The following PHLDB1 variants were observed in gnomAD, a reference collection of about 807,000 sequenced individuals.
The protein encoded by PHLDB1 is pleckstrin homology-like domain family B member 1.
A neutral mutation model predicts 139.3 loss-of-function variants in PHLDB1; 65 were observed. The observed-to-expected ratio is 0.47, with a 90% CI of 0.38 to 0.57. The LOEUF (loss-of-function observed/expected upper bound fraction) is 0.57, where lower values mean the gene tolerates loss of function less well. Among genes scored for constraint, PHLDB1 ranks in the 20% least tolerant of loss-of-function variants. The probability of loss-of-function intolerance (pLI) is 0.00; values close to 1 mark genes in which losing one functional copy is unlikely to be tolerated. For synonymous variants in PHLDB1, 679 were observed against 734.5 expected (o/e 0.92, Z 1.22); for missense variants, 1,624 against 1,839.7 (o/e 0.88, Z 2.14).
intron 4 of PHLDB1, among the ~76,000 whole-genome samples, chr11:118,618,157 G>A (rs1555091327): frequency 6.6e-6 from 1 of 152,088 alleles, no homozygotes; most frequent in East Asian, 1.9e-4. Flanking sequence ...ACCCAGCCAA[G>A]TATGTACCCT....
chr11:118,650,652 C>T lies in PHLDB1; in HGVS notation c.3874+105C>T. ...GAGGCCAAGCTTCCAAGTAGGGGAC[C>T]AGAGTCTTGGGCTAGGCTTTGCCCT... On this transcript the variant is annotated intron_variant, in intron 20 of 22. Transcript: ENST00000600882. The surrounding 1 kb of genome is among the most constrained non-coding windows in gnomAD (Gnocchi z 4.7). The T allele has an allele frequency of 1.3e-6, 1 of 773,374 alleles. No individual in the cohort carries two copies. The highest frequency in any genetic ancestry group is 2.0e-5 in the Admixed American group (1 of 50,908). 47.9% of individuals were successfully genotyped at this position (773,374 alleles called of 1,614,324 possible).
Position 118,644,093 on chromosome 11 carries a change from G to A in PHLDB1, c.3040G>A (p.Gly1014Ser). 6.2e-7 allele frequency: 1 copy of A among 1,613,980 alleles called. No individual in the cohort carries two copies. Residue 1014 changes from glycine (G) to serine (S), a missense_variant, in exon 15 of 23, where the codon GGC becomes AGC. Coordinates refer to ENST00000600882, the MANE Select transcript of PHLDB1 (RefSeq NM_001144758.3). The stretch of plus-strand genomic sequence containing the variant: ...GCAGAGCGCTCTACTCACCCAGAAT[G>A]GCACGGGCAGCCTTCCTCGCAACCT... ...SPKSALLTQN[G>S]TGSLPRNLAA...
At chr11:118,629,773 T>C (rs1022612897) in intron 6 of PHLDB1, among the ~76,000 whole-genome samples, 29 of 152,290 alleles carry the variant, frequency 1.9e-4, no homozygotes, top group African/African-American at 6.5e-4. Context: ...GGTCTCATCC[T>C]GGAGAGGGGG....
Position 118,611,829 on chromosome 11 carries a change from A to ATAATAATAATAAT in PHLDB1, c.-21-1987_-21-1986insTAATAATAATAAT, listed in dbSNP as rs1555084253. Among the ~76,000 whole-genome samples the ATAATAATAATAAT allele has an allele frequency of 1.3e-5, 2 of 148,152 alleles. No individual in the cohort carries two copies. Among genetic ancestry groups the ATAATAATAATAAT allele is most frequent in the East Asian group, 4.0e-4 (2 of 5,024 alleles). ...GTGAAACTCCGTCTCAAAAAAAAAA[A>ATAATAATAATAAT]AAAAATAATAATAATAATAATAAAT... On this transcript the variant is annotated intron_variant, in intron 1 of 22. Transcript: ENST00000600882. The surrounding 1 kb of genome is among the most constrained non-coding windows in gnomAD (Gnocchi z 4.7).
At chr11:118,626,989 G>T in intron 5 of PHLDB1, 1 of 374,404 alleles carries the variant, frequency 2.7e-6, no homozygotes, top group African/African-American at 2.1e-5. Context: ...ATAGGATATA[G>T]ATTGGAGGAG....
rs140439375 is a variant in PHLDB1 at position 118,631,393 on chromosome 11, A to G, written c.2014A>G (p.Thr672Ala). Residue 672 changes from threonine to alanine, a missense_variant, in exon 7 of 23, where the codon ACC becomes GCC. Coordinates refer to ENST00000600882, the MANE Select transcript of PHLDB1 (RefSeq NM_001144758.3). ...GRSSEEPGVA[T>A]QRLWESMERS... is the part of the protein sequence containing the mutation. ...GAGCAGCGAGGAGCCTGGCGTTGCCACCCAACGCCTATGGGAGAGTATGGA... is the reference window on the plus strand; with the variant it reads ...GAGCAGCGAGGAGCCTGGCGTTGCCGCCCAACGCCTATGGGAGAGTATGGA... The G allele has an allele frequency of 2.4e-5, 36 of 1,503,698 alleles. No homozygotes were observed. The highest frequency in any genetic ancestry group is 3.2e-5 in the Non-Finnish European group (36 of 1,127,150). The allele number at this position is 1,503,698 out of a possible 1,614,324, so 93.1% of individuals were successfully genotyped here. A position where few individuals can be genotyped will look rare whatever the true frequency, so the allele number is the denominator to read the frequency against.
chr11:118,624,592 T>TC, intron 4 of PHLDB1: 1 of 58,828 alleles, frequency 1.7e-5, no homozygotes, highest in Non-Finnish European at 3.7e-5. Flanking sequence ...CTTCCTTTCT[T>TC]TTTTTTTTTT....
chr11:118,652,024 T>C (rs1948419603), intron 20 of PHLDB1: 1 of 152,204 alleles, frequency 6.6e-6, no homozygotes, highest in African/African-American at 2.4e-5. Context: ...ATCATTTCTG[T>C]CCAGAAGTCA....
rs1555111505 is a variant in PHLDB1 at position 118,632,038 on chromosome 11, G to A, written c.2226G>A (p.Gln742=). Residue 742 remains glutamine, a synonymous_variant, in exon 8 of 23, where the codon CAG becomes CAA. Coordinates refer to ENST00000600882, the MANE Select transcript of PHLDB1 (RefSeq NM_001144758.3). The surrounding 1 kb of genome is among the most constrained non-coding windows in gnomAD (Gnocchi z 5.9). ...TGAAGGAGCTAGAGCAGCAGCTGCAGGAGTCAGCCCGAGAGGTGAGCCGTG... is the reference window on the plus strand; with the variant it reads ...TGAAGGAGCTAGAGCAGCAGCTGCAAGAGTCAGCCCGAGAGGTGAGCCGTG... The part of the protein sequence containing the change: ...VRVKELEQQL[Q]ESAREAEMER... 3.1e-6 allele frequency: 5 copies of A among 1,614,080 alleles called. No homozygotes were observed. The South Asian group carries it at 5.5e-5, about 18-fold the overall frequency.
At position 118,628,538 on chromosome 11, in the gene PHLDB1, C is replaced by T; in HGVS notation, c.1715C>T (p.Thr572Ile). 1.2e-6 allele frequency: 2 copies of T among 1,613,224 alleles called. No individual in the cohort carries two copies. The highest frequency in any genetic ancestry group is 1.7e-6 in the Non-Finnish European group (2 of 1,180,024). ...LSSGDLRVPV[T>I]RERKNSITEI... Reference sequence around the variant, plus strand: ...AGCGGGGACTTGCGGGTGCCTGTCACAAGGGAGCGGAAAAATAGCATCACA... The same window carrying T: ...AGCGGGGACTTGCGGGTGCCTGTCATAAGGGAGCGGAAAAATAGCATCACA... The change falls in exon 6 of 23, where the codon ACA becomes ATA. Residue 572 changes from threonine to isoleucine, a missense_variant. Physicochemically the swap from Thr to Ile is moderately conservative, Grantham distance 89. Transcript: ENST00000600882.
Position 118,648,067 on chromosome 11 carries a change from A to AT in PHLDB1, c.3649dup (p.Ser1217PhefsTer18). 1 of 1,613,356 alleles carries AT rather than the reference A, an allele frequency of 6.2e-7. No individual in the cohort carries two copies. On this transcript the variant is annotated frameshift_variant, in exon 18 of 23. Transcript: ENST00000600882. LOFTEE classifies it high-confidence loss of function. Reference sequence around the variant, plus strand: ...AGGAGGTCAAGATGCGGGAGAAACAATTTTCCCAGGTGAATGGGCAGTGGG... The same window carrying AT: ...AGGAGGTCAAGATGCGGGAGAAACAATTTTTCCCAGGTGAATGGGCAGTGGG...
intron 17 of PHLDB1, 121 bp from the exon 18 acceptor site, chr11:118,647,809 A>T: frequency 9.7e-7 from 1 of 1,026,642 alleles, no homozygotes; most frequent in East Asian, 2.6e-5. Flanking sequence ...TTTGAAGATG[A>T]TGCCTCCTCA....
In PHLDB1 at chr11:118,645,491, T is replaced by C; in HGVS notation, c.3257T>C (p.Leu1086Pro). 1 of 1,612,208 alleles carries C rather than the reference T, an allele frequency of 6.2e-7. No homozygotes were observed. The highest frequency in any genetic ancestry group is 1.1e-5 in the South Asian group (1 of 90,786). ...GCGGGCCCCTCGGGCTTCCCCCCTC[T>C]CATGCACCACTCTATCCTACACCAC... ...FPAGPSGFPPLMHHSILHHLP... is the reference protein window; with the variant it reads ...FPAGPSGFPPPMHHSILHHLP... The change falls in exon 16 of 23, where the codon CTC becomes CCC. Residue 1086 changes from leucine (L) to proline (P), a missense_variant. Physicochemically the swap from Leu to Pro is moderately conservative, Grantham distance 98. Coordinates refer to ENST00000600882, the MANE Select transcript of PHLDB1 (RefSeq NM_001144758.3). The surrounding 1 kb of genome is among the most constrained non-coding windows in gnomAD (Gnocchi z 5.1).
chr11:118,628,959 CAT>C lies in PHLDB1; in HGVS notation c.1827+311_1827+312del, dbSNP rs1459917555. Among the ~76,000 whole-genome samples the C allele has an allele frequency of 2.0e-5, 3 of 152,336 alleles. No individual in the cohort carries two copies. The East Asian group carries it at 5.8e-4, about 29-fold the overall frequency. On this transcript the variant is annotated intron_variant, in intron 6 of 22. Transcript: ENST00000600882. ...TGAGCACAGTGAAGCTCTAGGAAAA[CAT>C]ACCACAGGTATGGTAAGACCTCGAA...
At chr11:118,609,824 C>G (rs1939820784) in intron 1 of PHLDB1, among the ~76,000 whole-genome samples, 1 of 152,224 alleles carries the variant, frequency 6.6e-6, no homozygotes, top group African/African-American at 2.4e-5. Flanking sequence ...GGGGCCGCTA[C>G]CTTGCGGAAA....
At chr11:118,639,355 C>G (rs1207008594) in intron 12 of PHLDB1, 104 bp downstream of exon 12, 1 of 810,478 alleles carries the variant, frequency 1.2e-6, no homozygotes, top group African/African-American at 1.7e-5. Context: ...TGTGTGGGGG[C>G]ATCTTCCTGA....
At position 118,650,808 on chromosome 11, in the gene PHLDB1, T is replaced by G; in HGVS notation, c.3874+261T>G. 2.0e-6 allele frequency: 1 copy of G among 506,934 alleles called. No homozygotes were observed. The highest frequency in any genetic ancestry group is 2.3e-5 in the South Asian group (1 of 43,184). 31.4% of individuals were successfully genotyped at this position (506,934 alleles called of 1,614,324 possible). ...CACTGTTCTAGGCTCTGGTGATGAG[T>G]AAGATGGCCACAGCGCTCTCATGGA... On this transcript the variant is annotated intron_variant, in intron 20 of 22. Transcript: ENST00000600882. The surrounding 1 kb of genome is among the most constrained non-coding windows in gnomAD (Gnocchi z 4.7).
rs781993032 is a variant in PHLDB1, at chr11:118,628,358, G to A, written c.1535G>A (p.Arg512Gln). Residue 512 changes from arginine (R) to glutamine (Q), a missense_variant, in exon 6 of 23, where the codon CGG (arginine) becomes CAG (glutamine). Transcript: ENST00000600882. ...GACTTCTCCCTGACGCTGGGGGCACGGGGCCGTAGGACACGGAGCCCCTCA... is the reference window on the plus strand; with the variant it reads ...GACTTCTCCCTGACGCTGGGGGCACAGGGCCGTAGGACACGGAGCCCCTCA... ...PEDFSLTLGA[R>Q]GRRTRSPSPT... 23 of 1,611,416 alleles carry A rather than the reference G, an allele frequency of 1.4e-5. No individual in the cohort carries two copies. The highest frequency in any genetic ancestry group is 9.9e-5 in the South Asian group (9 of 90,910).
chr11:118,640,875 A>G (rs1401210062), intron 12 of PHLDB1: 2 of 152,234 alleles, frequency 1.3e-5, no homozygotes, highest in African/African-American at 4.8e-5. Flanking sequence ...CTGGATGCCA[A>G]AGTGGCTCTT....
Sources: gnomAD v4.1 joint callset for allele counts (sites outside exome capture counted in the v4.1 genomes callset) on GRCh38, gnomAD v4.1.1 for gene constraint, Gnocchi (gnomAD v3.1) non-coding constraint, MANE v1.5 for transcripts, NCBI Gene and HGNC (gene_info 2026-07-23, HGNC 2026-07-21) for gene names.